ACVR2A: variants seen among roughly 807,000 people sequenced by gnomAD.
ACVR2A encodes activin receptor type-2A.
In ACVR2A, 7 loss-of-function variants were observed where a neutral mutation model predicts 61.4. That is an observed-to-expected ratio of 0.11 (90% confidence interval 0.06 to 0.21). ACVR2A has a LOEUF of 0.21. Among genes scored for constraint, ACVR2A ranks in the 10% least tolerant of loss-of-function variants. The pLI, the probability that ACVR2A is intolerant of heterozygous loss-of-function variation, is 1.00. For synonymous variants in ACVR2A, 193 were observed against 208.3 expected, an observed-to-expected ratio of 0.93 and a Z score of 0.63; for missense variants, 322 against 621.7, an observed-to-expected ratio of 0.52 and a Z score of 5.13.
intron 1 of ACVR2A, among the ~76,000 whole-genome samples, chr2:147,869,313 A>C (rs1685952310): frequency 6.6e-6 from 1 of 152,144 alleles, no homozygotes; most frequent in African/African-American, 2.4e-5. Flanking sequence ...AAAGTGTTGA[A>C]ATTGATTTTG....
chr2:147,929,365 TTC>T lies in ACVR2A; in HGVS notation c.*2093_*2094del, dbSNP rs1299696775. ...TTCTACCTGTTGTGAACATTTAACT[TTC>T]TTTTTAAAAGTTAAACAAAAATAAA... On this transcript the variant is annotated 3_prime_UTR_variant, in exon 11 of 11. Transcript: ENST00000241416. 7 of 137,130 alleles carry T rather than the reference TTC, an allele frequency of 5.1e-5. No individual in the cohort carries two copies. The highest frequency in any genetic ancestry group is 1.6e-4 in the African/African-American group (6 of 37,158). The allele number at this position is 137,130 out of a possible 1,614,324, so 8.5% of individuals were successfully genotyped here.
intron 1 of ACVR2A, among the ~76,000 whole-genome samples, chr2:147,872,448 T>C (rs1686044522): frequency 1.3e-5 from 2 of 151,628 alleles, no homozygotes; most frequent in African/African-American, 4.8e-5. Flanking sequence ...GCAGTGATTT[T>C]TTTATTTGAT....
chr2:147,908,158 A>G (rs972852663), intron 4 of ACVR2A, among the ~76,000 whole-genome samples: 1 of 152,060 alleles, frequency 6.6e-6, no homozygotes, highest in Admixed American at 6.6e-5. Flanking sequence ...GTAGATAACC[A>G]TTTTACCATC....
chr2:147,893,458 T>G (rs957298303), intron 1 of ACVR2A, among the ~76,000 whole-genome samples: 1 of 130,878 alleles, frequency 7.6e-6, no homozygotes, highest in East Asian at 2.3e-4. Context: ...TAAAGCTGTT[T>G]TCCAAAGTGA....
chr2:147,890,890 G>A (rs983517110), intron 1 of ACVR2A, among the ~76,000 whole-genome samples: 2 of 151,920 alleles, frequency 1.3e-5, no homozygotes, highest in African/African-American at 4.8e-5. Flanking sequence ...GCTTGAGGAG[G>A]GGTGGGAAAA....
intron 1 of ACVR2A, among the ~76,000 whole-genome samples, chr2:147,889,749 A>G (rs931636005): frequency 2.0e-5 from 3 of 152,226 alleles, no homozygotes; most frequent in Admixed American, 6.5e-5. Flanking sequence ...TCCGTCTCAA[A>G]AAAAAAGAAG....
At chr2:147,901,915 C>T (rs1686879229) in intron 4 of ACVR2A, among the ~76,000 whole-genome samples, 1 of 152,004 alleles carries the variant, frequency 6.6e-6, no homozygotes, top group South Asian at 2.1e-4. Flanking sequence ...TTCTGCAAGA[C>T]CACTTCGTGG....
intron 1 of ACVR2A, among the ~76,000 whole-genome samples, chr2:147,846,357 G>A (rs1354477063): frequency 6.6e-6 from 1 of 151,208 alleles, no homozygotes; most frequent in Non-Finnish European, 1.5e-5. Context: ...TTAAAGGGTG[G>A]TAGTCTTCTT....
At chr2:147,854,740 G>A (rs1685527636) in intron 1 of ACVR2A, among the ~76,000 whole-genome samples, 1 of 152,206 alleles carries the variant, frequency 6.6e-6, no homozygotes, top group African/African-American at 2.4e-5. Flanking sequence ...ATGCCTTTCT[G>A]AAGCTTATAG....
In ACVR2A at chr2:147,862,486, G is replaced by A. The variant is rs569161622; in HGVS notation, c.55+17279G>A. Among the ~76,000 whole-genome samples the A allele has an allele frequency of 7.2e-5, 11 of 152,284 alleles. No individual in the cohort carries two copies. In the South Asian group the frequency reaches 2.1e-3, roughly 29 times the overall value. On this transcript the variant is annotated intron_variant, in intron 1 of 10. Coordinates refer to ENST00000241416, the MANE Select transcript of ACVR2A (RefSeq NM_001616.5). ...GGCAGGGCACCATGGCTTCATGCCT[G>A]TAATCCCAGCACTTTGGGAGGCAGA... is the stretch of plus-strand genomic sequence containing the variant.
At chr2:147,910,289 A>G (rs1010823043) in intron 4 of ACVR2A, among the ~76,000 whole-genome samples, 15 of 152,136 alleles carry the variant, frequency 9.9e-5, no homozygotes, top group Admixed American at 9.8e-4. Flanking sequence ...CAGTGCTAGT[A>G]TAGTGTCATC....
At chr2:147,916,984 C>G (rs1687261084) in intron 5 of ACVR2A, among the ~76,000 whole-genome samples, 1 of 151,856 alleles carries the variant, frequency 6.6e-6, no homozygotes, top group South Asian at 2.1e-4. Flanking sequence ...GTAATACTTG[C>G]AGTAACTTAC....
intron 1 of ACVR2A, among the ~76,000 whole-genome samples, chr2:147,847,802 C>T (rs768799257): frequency 6.6e-5 from 10 of 152,172 alleles, no homozygotes; most frequent in Admixed American, 2.0e-4. Context: ...TGTTTCAAAA[C>T]ATAAATCTTA....
intron 1 of ACVR2A, among the ~76,000 whole-genome samples, chr2:147,857,543 A>AC (rs1685613313): frequency 6.6e-6 from 1 of 151,524 alleles, no homozygotes; most frequent in African/African-American, 2.4e-5. Context: ...AAAAAAAAAA[A>AC]AAAAAAAACA....
chr2:147,897,507 A>G (rs1221562661), intron 2 of ACVR2A, among the ~76,000 whole-genome samples: 3 of 152,080 alleles, frequency 2.0e-5, no homozygotes, highest in East Asian at 1.9e-4. Context: ...CAGGATTTCT[A>G]CTGTGGGTAG....
intron 4 of ACVR2A, chr2:147,900,607 C>G (rs981859768): frequency 6.6e-6 from 1 of 151,964 alleles, no homozygotes; most frequent in Non-Finnish European, 1.5e-5. Context: ...ATTCTCTTAT[C>G]ATGTAGACAC....
intron 1 of ACVR2A, among the ~76,000 whole-genome samples, chr2:147,867,508 C>G (rs1685892403): frequency 6.6e-6 from 1 of 152,058 alleles, no homozygotes. Context: ...TGCTTCCTTT[C>G]CATTACCAAT....
At chr2:147,926,289 C>T in intron 10 of ACVR2A, 128 bp downstream of exon 10, 1 of 1,173,440 alleles carries the variant, frequency 8.5e-7, no homozygotes, top group Non-Finnish European at 1.2e-6. Context: ...ACAGGATATT[C>T]TAGAGTTCTA....
At chr2:147,851,395 G>T (rs929835486) in intron 1 of ACVR2A, among the ~76,000 whole-genome samples, 1 of 152,004 alleles carries the variant, frequency 6.6e-6, no homozygotes, top group African/African-American at 2.4e-5. Context: ...TCTACACAAT[G>T]GGGGGATATT....
Sources: gnomAD v4.1 joint callset for allele counts (sites outside exome capture counted in the v4.1 genomes callset) on GRCh38, gnomAD v4.1.1 for gene constraint, MANE v1.5 for transcripts, NCBI Gene and HGNC (gene_info 2026-07-23, HGNC 2026-07-21) for gene names.